The following IL1R1 variants were observed in gnomAD, a reference collection of about 807,000 sequenced individuals.
The protein encoded by IL1R1 is interleukin 1 receptor type 1.
In IL1R1, 22 loss-of-function variants were observed where a neutral mutation model predicts 50.2. That is an observed-to-expected ratio of 0.44 (90% CI 0.31 to 0.63). The LOEUF (loss-of-function observed/expected upper bound fraction) is 0.63, where lower values mean the gene tolerates loss of function less well. Ranked by LOEUF, IL1R1 falls within the 20% of genes least tolerant of loss-of-function variation. IL1R1 has a pLI of 0.07. For synonymous variants in IL1R1, 251 were observed against 236.7 expected (o/e 1.06, Z -0.55); for missense variants, 509 against 676.2 (o/e 0.75, Z 2.74).
intron 2 of IL1R1, among the ~76,000 whole-genome samples, chr2:102,155,682 C>G (rs778843318): frequency 3.3e-5 from 5 of 152,174 alleles, no homozygotes; most frequent in African/African-American, 1.2e-4. Context: ...ACCCCCCTGA[C>G]TGTTTCCCAG....
upstream of IL1R1, among the ~76,000 whole-genome samples, chr2:102,102,853 A>G (rs937850238): frequency 1.3e-5 from 2 of 152,212 alleles, no homozygotes; most frequent in Admixed American, 6.5e-5. Context: ...TTGCAGCAAC[A>G]TGGATACAAC....
In IL1R1 at chr2:102,077,173, C is replaced by G. The variant is rs1323722556; in HGVS notation, c.-84+6640C>G. The stretch of plus-strand genomic sequence containing the variant: ...GCAACCTCCACCTCCTGGATTCAAG[C>G]AATTCTCACATCTCAGCCTCCTGAG... On this transcript the variant is annotated intron_variant, in intron 1 of 11. Transcript: ENST00000409929. 5.3e-5 allele frequency among the ~76,000 whole-genome samples: 8 copies of G among 152,202 alleles called. No homozygotes were observed. The East Asian group carries it at 1.4e-3, about 26-fold the overall frequency.
At chr2:102,088,896 A>G (rs1036321709) in intron 1 of IL1R1, among the ~76,000 whole-genome samples, 2 of 152,216 alleles carry the variant, frequency 1.3e-5, no homozygotes, top group African/African-American at 2.4e-5. Flanking sequence ...CTAGCTTCCA[A>G]CTTTTCTTCT....
chr2:102,096,225 G>C (rs1201904940), intron 1 of IL1R1, among the ~76,000 whole-genome samples: 1 of 152,128 alleles, frequency 6.6e-6, no homozygotes, highest in African/African-American at 2.4e-5. Context: ...ATGTTTCTCT[G>C]AGTGTTCCTC....
intron 1 of IL1R1, among the ~76,000 whole-genome samples, chr2:102,073,163 GT>G (rs1164631571): frequency 1.3e-5 from 2 of 152,138 alleles, no homozygotes; most frequent in Non-Finnish European, 2.9e-5. Context: ...GCCAAAGCAT[GT>G]GAGAAAAAAA....
chr2:102,082,096 T>G (rs973782147), intron 1 of IL1R1, among the ~76,000 whole-genome samples: 10 of 152,328 alleles, frequency 6.6e-5, no homozygotes, highest in Non-Finnish European at 1.0e-4. Flanking sequence ...CTTCCAGGTT[T>G]TCTTCATTTC....
chr2:102,160,125 A>C (rs1443703956), intron 3 of IL1R1, among the ~76,000 whole-genome samples: 1 of 152,194 alleles, frequency 6.6e-6, no homozygotes, highest in Non-Finnish European at 1.5e-5. Context: ...AATCCAGGCT[A>C]TCTACTTCTT....
chr2:102,135,173 A>T (rs907514460), intron 1 of IL1R1, among the ~76,000 whole-genome samples: 17 of 152,220 alleles, frequency 1.1e-4, no homozygotes, highest in African/African-American at 4.1e-4. Context: ...GGTAATAAAC[A>T]CTCTGTTGCT....
At chr2:102,099,718 A>G (rs1459583726), upstream of IL1R1, among the ~76,000 whole-genome samples, 1 of 152,128 alleles carries the variant, frequency 6.6e-6, no homozygotes, top group African/African-American at 2.4e-5. Flanking sequence ...ACCACACATC[A>G]TTCACTGTGG....
chr2:102,110,213 A>G (rs1355228083), intron 1 of IL1R1, among the ~76,000 whole-genome samples: 3 of 152,100 alleles, frequency 2.0e-5, no homozygotes, highest in African/African-American at 4.8e-5. Context: ...ACCTTGATCC[A>G]TAGCTGTATC....
At position 102,171,788 on chromosome 2, in the gene IL1R1, A is replaced by T. The variant is rs1327246789; in HGVS notation, c.722-13A>T. On this transcript the variant is annotated splice_polypyrimidine_tract_variant and intron_variant, in intron 7 of 11. Transcript: ENST00000410023. ...ATCAATTAATGTTAAGATTAAAAAT[A>T]CATTCTTTGCAGGATCCCAGATACA... 31 of 1,460,396 alleles carry T rather than the reference A, an allele frequency of 2.1e-5. No homozygotes were observed. The highest frequency in any genetic ancestry group is 2.8e-5 in the Non-Finnish European group (29 of 1,047,328). 90.5% of individuals were successfully genotyped at this position (1,460,396 alleles called of 1,614,324 possible). A position where few individuals can be genotyped will look rare whatever the true frequency, so the allele number is the denominator to read the frequency against.
intron 11 of IL1R1, 116 bp downstream of exon 11, chr2:102,175,761 A>G (rs1224557035): frequency 1.1e-6 from 1 of 906,434 alleles, no homozygotes; most frequent in Non-Finnish European, 1.8e-6. Flanking sequence ...CAATTTTAAG[A>G]ACCTCTTCAG....
chr2:102,172,212 C>T lies in IL1R1; in HGVS notation c.839+294C>T, dbSNP rs1282938139. 3 of 918,730 alleles carry T rather than the reference C, an allele frequency of 3.3e-6. No homozygotes were observed. In the African/African-American group the frequency reaches 5.4e-5, roughly 16 times the overall value. 56.9% of individuals were successfully genotyped at this position (918,730 alleles called of 1,614,324 possible). A position where few individuals can be genotyped will look rare whatever the true frequency, so the allele number is the denominator to read the frequency against. On this transcript the variant is annotated intron_variant, in intron 8 of 11. Coordinates refer to ENST00000410023, the MANE Select transcript of IL1R1 (RefSeq NM_000877.4). ...ATTATCTTTCATTATTCTTCATATT[C>T]CTCAAGTAGCTTAGAAGAGACTCAT... is the stretch of plus-strand genomic sequence containing the variant.
chr2:102,117,436 A>G (rs1470874525), intron 1 of IL1R1, among the ~76,000 whole-genome samples: 1 of 152,220 alleles, frequency 6.6e-6, no homozygotes, highest in Non-Finnish European at 1.5e-5. Context: ...GCAGGCATGG[A>G]CATATCCTGT....
At chr2:102,172,614 C>G in intron 8 of IL1R1, 73 bp from the exon 9 acceptor site, 11 of 1,256,904 alleles carry the variant, frequency 8.8e-6, no homozygotes, top group Non-Finnish European at 1.1e-5. Context: ...AGGAAATACA[C>G]AGGGTATACA....
At chr2:102,097,040 T>C (rs1679935428) in intron 1 of IL1R1, among the ~76,000 whole-genome samples, 4 of 152,200 alleles carry the variant, frequency 2.6e-5, no homozygotes, top group Admixed American at 6.5e-5. Flanking sequence ...AATATTACAA[T>C]GAAGTTGCAA....
intron 7 of IL1R1, among the ~76,000 whole-genome samples, chr2:102,169,412 C>G (rs1685480183): frequency 6.6e-6 from 1 of 152,218 alleles, no homozygotes; most frequent in African/African-American, 2.4e-5. Flanking sequence ...ATTAGTTCCT[C>G]TGTCACATTA....
intron 10 of IL1R1, 39 bp downstream of exon 10, chr2:102,174,769 A>T (rs1376569541): frequency 1.3e-6 from 2 of 1,548,706 alleles, no homozygotes; most frequent in Non-Finnish European, 1.8e-6. Context: ...CTTGTTGGAG[A>T]TAAGGGATAG....
At chr2:102,120,758 T>A (rs924746570) in intron 1 of IL1R1, among the ~76,000 whole-genome samples, 1 of 152,198 alleles carries the variant, frequency 6.6e-6, no homozygotes, top group African/African-American at 2.4e-5. Context: ...TCATGTATTA[T>A]CCCTCCACGC....
Sources: gnomAD v4.1 joint callset for allele counts (sites outside exome capture counted in the v4.1 genomes callset) on GRCh38, gnomAD v4.1.1 for gene constraint, MANE v1.5 for transcripts, NCBI Gene and HGNC (gene_info 2026-07-23, HGNC 2026-07-21) for gene names.